The following ACAD11 variants were observed in gnomAD, a reference collection of about 807,000 sequenced individuals.
ACAD11 encodes the protein acyl-CoA dehydrogenase family member 11.
Under a neutral mutation model 102.2 loss-of-function variants are expected in ACAD11, and 83 were observed. The observed-to-expected ratio is 0.81, with a 90% confidence interval of 0.68 to 0.97. The LOEUF (loss-of-function observed/expected upper bound fraction) is 0.97. Among genes scored for constraint, ACAD11 ranks in the 50% least tolerant of loss-of-function variants. ACAD11 has a pLI of 0.00. For synonymous variants in ACAD11, 324 were observed against 319.8 expected (o/e 1.01, Z -0.14); for missense variants, 901 against 951.7 (o/e 0.95, Z 0.70).
chr3:132,618,933 A>C (rs1024621723), intron 10 of ACAD11, 161 bp from the exon 11 acceptor site: 3 of 543,340 alleles, frequency 5.5e-6, no homozygotes, highest in African/African-American at 3.9e-5. Flanking sequence ...CCAAGTTCTT[A>C]TTAATTCATT....
intron 9 of ACAD11, among the ~76,000 whole-genome samples, chr3:132,622,500 T>C (rs1939646612): frequency 6.6e-6 from 1 of 152,194 alleles, no homozygotes; most frequent in Non-Finnish European, 1.5e-5. Flanking sequence ...CCTTTTCTCA[T>C]CTCTGACCAC....
At chr3:132,652,694 A>C (rs1381662946) in intron 1 of ACAD11, among the ~76,000 whole-genome samples, 1 of 152,220 alleles carries the variant, frequency 6.6e-6, no homozygotes, top group East Asian at 1.9e-4. Context: ...TGACTTATTA[A>C]GGAAATGTTT....
In ACAD11 at chr3:132,581,916, T is replaced by C. The variant is rs1030962201; in HGVS notation, c.1622-2358A>G. 3.9e-5 allele frequency among the ~76,000 whole-genome samples: 6 copies of C among 152,052 alleles called. 1 individual carries two copies. The highest frequency in any genetic ancestry group is 1.4e-4 in the African/African-American group (6 of 41,452). ...TGGTTTTCAAAGTTTACAGTTATCC[T>C]GTAGTCAACTACAGTTGTGGCTGCA... On this transcript the variant is annotated intron_variant, in intron 13 of 19. Coordinates refer to ENST00000264990, the MANE Select transcript of ACAD11 (RefSeq NM_032169.5).
chr3:132,586,966 C>T (rs535406032), intron 13 of ACAD11, among the ~76,000 whole-genome samples: 11 of 152,158 alleles, frequency 7.2e-5, no homozygotes, highest in Non-Finnish European at 1.2e-4. Context: ...TGGTGGTGGG[C>T]GCCTGTAATC....
intron 13 of ACAD11, among the ~76,000 whole-genome samples, chr3:132,602,764 C>A (rs142180732): frequency 1.0e-3 from 158 of 152,226 alleles, no homozygotes; most frequent in African/African-American, 3.5e-3. Flanking sequence ...ACCACTATTT[C>A]TAAGTTTGAA....
chr3:132,598,823 T>G (rs1938431467), intron 13 of ACAD11, among the ~76,000 whole-genome samples: 1 of 152,152 alleles, frequency 6.6e-6, no homozygotes, highest in Non-Finnish European at 1.5e-5. Context: ...GGCACCACAT[T>G]ATGAAGGGAG....
At chr3:132,638,383 A>T (rs897713085) in intron 5 of ACAD11, among the ~76,000 whole-genome samples, 1 of 152,176 alleles carries the variant, frequency 6.6e-6, no homozygotes, top group Admixed American at 6.5e-5. Flanking sequence ...TCAAAACAAA[A>T]AGTTAAAATA....
rs538967611 is a variant in ACAD11, at chr3:132,655,223, G to A, written c.149+4380C>T. Among the ~76,000 whole-genome samples the A allele has an allele frequency of 4.2e-4, 64 of 152,272 alleles. No homozygotes were observed. In the South Asian group the frequency reaches 0.012, roughly 29 times the overall value. On this transcript the variant is annotated intron_variant, in intron 1 of 19. Transcript: ENST00000264990. Reference sequence around the variant, plus strand: ...TCTATGCCACTGATATCTCCCTGCTGGAACACTGTAATACATTGGTGTCCT... The same window carrying A: ...TCTATGCCACTGATATCTCCCTGCTAGAACACTGTAATACATTGGTGTCCT...
chr3:132,650,597 C>T (rs1940893978), intron 1 of ACAD11, among the ~76,000 whole-genome samples: 1 of 151,982 alleles, frequency 6.6e-6, no homozygotes, highest in African/African-American at 2.4e-5. Context: ...GCACTTTATC[C>T]ACATGATAAA....
At chr3:132,642,532 A>G in intron 3 of ACAD11, 145 bp downstream of exon 3, 4 of 982,084 alleles carry the variant, frequency 4.1e-6, no homozygotes, top group Non-Finnish European at 5.8e-6. Context: ...AATTTGAACA[A>G]AATTGTAAAC....
rs114134378 is a variant in ACAD11, at chr3:132,626,472, A to G, written c.1197+219T>C. Among the ~76,000 whole-genome samples the G allele has an allele frequency of 4.5e-3, 689 of 151,938 alleles. 2 individuals are homozygous for G. The highest frequency in any genetic ancestry group is 7.8e-3 in the Non-Finnish European group (529 of 67,980). On this transcript the variant is annotated intron_variant, in intron 9 of 19. Coordinates refer to ENST00000264990, the MANE Select transcript of ACAD11 (RefSeq NM_032169.5). ...TTACTCTAACATAGTTAGGCTCCCA[A>G]TGTTAAAACTACTAATTCTCTTTGG... is the stretch of plus-strand genomic sequence containing the variant.
chr3:132,561,253 G>A, intron 17 of ACAD11, 36 bp from the exon 18 acceptor site: 4 of 1,510,314 alleles, frequency 2.6e-6, no homozygotes, highest in Non-Finnish European at 3.7e-6. Flanking sequence ...AGAAGGAGGA[G>A]CTAAGCTGGT....
intron 1 of ACAD11, among the ~76,000 whole-genome samples, chr3:132,649,152 A>C (rs1041740786): frequency 6.6e-6 from 1 of 152,216 alleles, no homozygotes; most frequent in Non-Finnish European, 1.5e-5. Context: ...TCCCCATGTG[A>C]TAGTCTGAAA....
Position 132,659,777 on chromosome 3 carries a change from G to A in ACAD11, c.-26C>T, listed in dbSNP as rs1437617668. ...GATCACCCCCGCAGGCCACAGCAACGCGGCATCCACAGGTCTCGAGTGCCG... is the reference window on the plus strand; with the variant it reads ...GATCACCCCCGCAGGCCACAGCAACACGGCATCCACAGGTCTCGAGTGCCG... On this transcript the variant is annotated 5_prime_UTR_variant, in exon 1 of 20. Coordinates refer to ENST00000264990, the MANE Select transcript of ACAD11 (RefSeq NM_032169.5). 6.4e-7 allele frequency: 1 copy of A among 1,570,496 alleles called. No homozygotes were observed. The highest frequency in any genetic ancestry group is 2.3e-5 in the East Asian group (1 of 42,974).
At chr3:132,645,020 AG>A in intron 1 of ACAD11, 124 bp from the exon 2 acceptor site, 1 of 584,106 alleles carries the variant, frequency 1.7e-6, no homozygotes, top group African/African-American at 1.9e-5. Flanking sequence ...GAAAATCAAG[AG>A]GGGTGCTATC....
At chr3:132,613,713 G>C (rs1400413334) in intron 11 of ACAD11, among the ~76,000 whole-genome samples, 1 of 151,962 alleles carries the variant, frequency 6.6e-6, no homozygotes, top group Non-Finnish European at 1.5e-5. Context: ...AGCCTGGTCA[G>C]CATGGTGAAA....
chr3:132,638,465 T>A (rs1249503786), intron 5 of ACAD11, among the ~76,000 whole-genome samples: 1 of 152,194 alleles, frequency 6.6e-6, no homozygotes, highest in Non-Finnish European at 1.5e-5. Flanking sequence ...AAGTTAAGCA[T>A]AAATTTATGA....
chr3:132,630,301 C>T (rs1439417677), intron 7 of ACAD11, 136 bp downstream of exon 7: 2 of 975,356 alleles, frequency 2.1e-6, no homozygotes, highest in African/African-American at 3.4e-5. Flanking sequence ...TTATATTTTA[C>T]CTATGTCTGA....
chr3:132,600,545 A>G (rs1297408643), intron 13 of ACAD11: 4 of 1,613,958 alleles, frequency 2.5e-6, no homozygotes, highest in Non-Finnish European at 3.4e-6. Context: ...ATTCCTCACA[A>G]TAGTTTTCGT....
Sources: allele counts gnomAD v4.1 joint callset (sites outside exome capture counted in the v4.1 genomes callset), GRCh38; gene constraint gnomAD v4.1.1; transcripts MANE v1.5; gene names NCBI Gene and HGNC (gene_info 2026-07-23, HGNC 2026-07-21).